The following APH1B variants were observed in gnomAD, a reference collection of about 807,000 sequenced individuals.
APH1B encodes the protein aph-1B gamma-secretase subunit.
In APH1B, 27 loss-of-function variants were observed where a neutral mutation model predicts 28.2. That is an observed-to-expected ratio of 0.96 (90% CI 0.70 to 1.32). The LOEUF is 1.32. Among genes scored for constraint, APH1B ranks in the 40% most tolerant of loss-of-function variants. APH1B has a pLI of 0.00. For missense variants in APH1B, 305 were observed against 313.6 expected, an observed-to-expected ratio of 0.97 and a Z score of 0.21; for synonymous variants, 141 against 124.6, an observed-to-expected ratio of 1.13 and a Z score of -0.88.
At chr15:63,291,300 GA>G (rs1352259989) in intron 4 of APH1B, among the ~76,000 whole-genome samples, 1 of 152,082 alleles carries the variant, frequency 6.6e-6, no homozygotes, top group Admixed American at 6.5e-5. Context: ...TGCTTTAGAA[GA>G]AAAAATGTCT....
chr15:63,290,504 A>G (rs1567029720), intron 4 of APH1B, among the ~76,000 whole-genome samples: 1 of 152,220 alleles, frequency 6.6e-6, no homozygotes, highest in Non-Finnish European at 1.5e-5. Flanking sequence ...AGCTATGAAA[A>G]TAGAGCCCAG....
intron 1 of APH1B, 54 bp downstream of exon 1, chr15:63,277,790 G>A: frequency 6.5e-7 from 1 of 1,546,488 alleles, no homozygotes; most frequent in South Asian, 1.1e-5. Flanking sequence ...CCCCCGCTGG[G>A]GTTACCCGCG....
intron 4 of APH1B, among the ~76,000 whole-genome samples, chr15:63,296,567 G>A (rs931252556): frequency 5.3e-5 from 8 of 152,164 alleles, no homozygotes; most frequent in African/African-American, 1.7e-4. Flanking sequence ...AAAGGAACAC[G>A]TGTGAAAATG....
At position 63,287,548 on chromosome 15, in the gene APH1B, T is replaced by C. The variant is rs2038461226; in HGVS notation, c.478+2T>C. On this transcript the variant is annotated splice_donor_variant, in intron 4 of 5. Coordinates refer to ENST00000261879, the MANE Select transcript of APH1B (RefSeq NM_031301.4). LOFTEE classifies it high-confidence loss of function. Reference sequence around the variant, plus strand: ...CTCCTCAATTCTTCCTTTATTCAGGTATGTGTCTCATAGCTGTCAACATTC... The same window carrying C: ...CTCCTCAATTCTTCCTTTATTCAGGCATGTGTCTCATAGCTGTCAACATTC... 15 of 1,613,848 alleles carry C rather than the reference T, an allele frequency of 9.3e-6. No individual in the cohort carries two copies. The highest frequency in any genetic ancestry group is 1.3e-5 in the Non-Finnish European group (15 of 1,179,760).
At chr15:63,303,874 A>AACACACACACACACAC (rs113837395) in intron 5 of APH1B, among the ~76,000 whole-genome samples, 4 of 145,598 alleles carry the variant, frequency 2.7e-5, no homozygotes, top group Non-Finnish European at 4.5e-5. Context: ...ACACACACAC[A>AACACACACACACACAC]ACACACACAC....
intron 2 of APH1B, among the ~76,000 whole-genome samples, chr15:63,283,557 C>T (rs2038412462): frequency 6.6e-6 from 1 of 152,162 alleles, no homozygotes; most frequent in African/African-American, 2.4e-5. Flanking sequence ...GATTATTTGT[C>T]TTTTTATTAT....
rs2038683201 is a variant in APH1B, at chr15:63,305,903, G to A, written c.*122G>A. On this transcript the variant is annotated 3_prime_UTR_variant, in exon 6 of 6. Transcript: ENST00000261879. ...GAAAGAAATAAAACTATGCAGATATGCGTTCCATTCACTTGGCTTTCACAC... is the reference window on the plus strand; with the variant it reads ...GAAAGAAATAAAACTATGCAGATATACGTTCCATTCACTTGGCTTTCACAC... The A allele has an allele frequency of 2.3e-6, 3 of 1,300,840 alleles. No homozygotes were observed. Among genetic ancestry groups the A allele is most frequent in the South Asian group, 3.1e-5 (2 of 65,072 alleles). 80.6% of individuals were successfully genotyped at this position (1,300,840 alleles called of 1,614,324 possible).
Position 63,306,092 on chromosome 15 carries a change from A to G in APH1B, c.*311A>G, listed in dbSNP as rs187849012. On this transcript the variant is annotated 3_prime_UTR_variant, in exon 6 of 6. Coordinates refer to ENST00000261879, the MANE Select transcript of APH1B (RefSeq NM_031301.4). ...TCCCAGGTGATTCTGATGTGCAGCC[A>G]TGTTGAGACCCACTGGTTTGGTATC... The G allele has an allele frequency of 3.6e-4, 92 of 253,302 alleles. No individual in the cohort carries two copies. Among genetic ancestry groups the G allele is most frequent in the African/African-American group, 2.0e-3 (88 of 43,484 alleles). 15.7% of individuals were successfully genotyped at this position (253,302 alleles called of 1,614,324 possible).
intron 4 of APH1B, among the ~76,000 whole-genome samples, chr15:63,288,805 C>T (rs1237808565): frequency 6.6e-6 from 1 of 152,118 alleles, no homozygotes; most frequent in African/African-American, 2.4e-5. Context: ...GTCTTTAAAA[C>T]AAATGTAATA....
intron 4 of APH1B, among the ~76,000 whole-genome samples, chr15:63,300,518 A>G (rs2038615339): frequency 6.6e-6 from 1 of 152,206 alleles, no homozygotes; most frequent in Non-Finnish European, 1.5e-5. Flanking sequence ...TTTAAAACTT[A>G]AACTGCACTC....
intron 4 of APH1B, 30 bp from the exon 5 acceptor site, chr15:63,302,315 G>C (rs1284619065): frequency 6.2e-7 from 1 of 1,611,422 alleles, no homozygotes; most frequent in East Asian, 2.2e-5. Flanking sequence ...ATACCTGTAG[G>C]AGTGACACTA....
chr15:63,305,602 T>C lies in APH1B; in HGVS notation c.607-12T>C, dbSNP rs1181067777. 1 of 1,613,604 alleles carries C rather than the reference T, an allele frequency of 6.2e-7. No homozygotes were observed. Among genetic ancestry groups the C allele is most frequent in the Admixed American group, 1.7e-5 (1 of 59,956 alleles). ...CTGTTATTACCCAAGCTGATTTATT[T>C]TTCTTTTGCAGACCTTCATAAGTTC... On this transcript the variant is annotated splice_polypyrimidine_tract_variant and intron_variant, in intron 5 of 5. Transcript: ENST00000261879.
intron 4 of APH1B, among the ~76,000 whole-genome samples, chr15:63,289,254 C>T (rs559679743): frequency 2.1e-4 from 32 of 152,224 alleles, no homozygotes; most frequent in Admixed American, 1.1e-3. Flanking sequence ...TTCTTTGAAG[C>T]ATAAACTTTG....
intron 4 of APH1B, among the ~76,000 whole-genome samples, chr15:63,292,354 C>A (rs753017250): frequency 1.3e-5 from 2 of 152,194 alleles, no homozygotes; most frequent in Non-Finnish European, 2.9e-5. Flanking sequence ...CTGTATATAT[C>A]ATCGAATTTG....
chr15:63,284,686 G>C (rs2038427946), intron 2 of APH1B, among the ~76,000 whole-genome samples: 1 of 152,106 alleles, frequency 6.6e-6, no homozygotes, highest in South Asian at 2.1e-4. Context: ...GTCCATTGTT[G>C]ACTGAAATGT....
intron 4 of APH1B, chr15:63,291,815 GGACCT>G (rs1407506205): frequency 2.0e-5 from 3 of 152,178 alleles, no homozygotes; most frequent in Non-Finnish European, 4.4e-5. Flanking sequence ...TTGCATGATT[GGACCT>G]TCCTTCTTGG....
intron 4 of APH1B, among the ~76,000 whole-genome samples, chr15:63,300,394 A>G (rs1271886116): frequency 6.6e-6 from 1 of 152,194 alleles, no homozygotes; most frequent in African/African-American, 2.4e-5. Flanking sequence ...TTGACATTTG[A>G]TTGTCATCTA....
At chr15:63,282,347 A>G (rs578049957) in intron 2 of APH1B, among the ~76,000 whole-genome samples, 6 of 152,322 alleles carry the variant, frequency 3.9e-5, no homozygotes, top group African/African-American at 1.4e-4. Context: ...TTTTATAAAT[A>G]TATGGAATTG....
chr15:63,298,270 G>T (rs2038588609), intron 4 of APH1B, among the ~76,000 whole-genome samples: 1 of 152,150 alleles, frequency 6.6e-6, no homozygotes, highest in Admixed American at 6.5e-5. Flanking sequence ...GAGTGCAGTG[G>T]TGTGATGATG....
Sources: gnomAD v4.1 joint callset for allele counts (sites outside exome capture counted in the v4.1 genomes callset) on GRCh38, gnomAD v4.1.1 for gene constraint, MANE v1.5 for transcripts, NCBI Gene and HGNC (gene_info 2026-07-23, HGNC 2026-07-21) for gene names.